Variants in KCNAB1 observed in about 807,000 individuals in gnomAD.
KCNAB1 encodes voltage-gated potassium channel subunit beta-1.
KCNAB1 carries 35 observed loss-of-function variants against 64.6 expected under a neutral mutation model. That is an observed-to-expected ratio of 0.54 (90% CI 0.41 to 0.72). KCNAB1 has a LOEUF of 0.72. Ranked by LOEUF, KCNAB1 falls within the 30% of genes least tolerant of loss-of-function variation. The pLI is 0.00. For missense variants in KCNAB1, 401 were observed against 512.9 expected, an observed-to-expected ratio of 0.78 and a Z score of 2.11; for synonymous variants, 177 against 183.8, an observed-to-expected ratio of 0.96 and a Z score of 0.30.
In KCNAB1 at chr3:156,385,442, G is replaced by GA. The variant is rs58847115; in HGVS notation, c.276-36162dup. On this transcript the variant is annotated intron_variant, in intron 1 of 13. Coordinates refer to ENST00000490337, the MANE Select transcript of KCNAB1 (RefSeq NM_172160.3). ...AAAAGGAGGATCTTGTTGGATGGAA[G>GA]AAAAAAAAAAAAGCATCCAAGTTAA... 1.2e-3 allele frequency among the ~76,000 whole-genome samples: 165 copies of GA among 134,812 alleles called. 1 individual carries two copies. Among genetic ancestry groups the GA allele is most frequent in the Middle Eastern group, 4.1e-3 (1 of 246 alleles). 88.4% of individuals were successfully genotyped at this position (134,812 alleles called of 152,430 possible). A position where few individuals can be genotyped will look rare whatever the true frequency, so the allele number is the denominator to read the frequency against.
At chr3:156,379,545 G>A (rs775278254) in intron 1 of KCNAB1, among the ~76,000 whole-genome samples, 1 of 152,158 alleles carries the variant, frequency 6.6e-6, no homozygotes, top group Non-Finnish European at 1.5e-5. Context: ...CAGGTACAGG[G>A]AACAGCCTGT....
intron 1 of KCNAB1, among the ~76,000 whole-genome samples, chr3:156,253,439 A>C (rs1717942515): frequency 6.6e-6 from 1 of 152,224 alleles, no homozygotes. Flanking sequence ...TGTTAGGAGC[A>C]GCAGGGCTGA....
intron 1 of KCNAB1, among the ~76,000 whole-genome samples, chr3:156,370,662 C>T (rs1164122487): frequency 6.6e-6 from 1 of 150,428 alleles, no homozygotes; most frequent in African/African-American, 2.5e-5. Context: ...CTGAGCTCCA[C>T]AATGGAGGAA....
At chr3:156,143,986 C>T (rs924034866) in intron 1 of KCNAB1, among the ~76,000 whole-genome samples, 1 of 151,840 alleles carries the variant, frequency 6.6e-6, no homozygotes. Context: ...GTACACTAAA[C>T]TTCCAATATC....
At chr3:156,262,514 A>G (rs912987051) in intron 1 of KCNAB1, among the ~76,000 whole-genome samples, 2 of 151,902 alleles carry the variant, frequency 1.3e-5, no homozygotes, top group African/African-American at 4.8e-5. Flanking sequence ...TGGGTGTAAA[A>G]CCAAACTACA....
chr3:156,357,040 GAAAC>G (rs920015431), intron 1 of KCNAB1, among the ~76,000 whole-genome samples: 1 of 152,022 alleles, frequency 6.6e-6, no homozygotes, highest in Admixed American at 6.6e-5. Context: ...TGAAGTGAAA[GAAAC>G]AAACAAACTC....
chr3:156,284,044 G>C (rs1406454998), intron 1 of KCNAB1, among the ~76,000 whole-genome samples: 1 of 152,118 alleles, frequency 6.6e-6, no homozygotes, highest in African/African-American at 2.4e-5. Flanking sequence ...GAGGTGCTCT[G>C]CTTTTTAGAG....
intron 1 of KCNAB1, among the ~76,000 whole-genome samples, chr3:156,162,081 A>G (rs778606452): frequency 2.0e-4 from 31 of 152,138 alleles, no homozygotes; most frequent in Non-Finnish European, 4.3e-4. Context: ...CTTTAGAATA[A>G]ACATTTAGAA....
intron 1 of KCNAB1, among the ~76,000 whole-genome samples, chr3:156,301,237 T>C (rs1187854970): frequency 6.6e-5 from 10 of 152,102 alleles, no homozygotes; most frequent in Admixed American, 6.5e-4. Context: ...GTCTTTGGCC[T>C]GAGACCACAA....
intron 1 of KCNAB1, among the ~76,000 whole-genome samples, chr3:156,187,009 A>G (rs1049711199): frequency 6.6e-6 from 1 of 151,708 alleles, no homozygotes; most frequent in Non-Finnish European, 1.5e-5. Flanking sequence ...GCACCACCAC[A>G]CCTGGCTAAT....
intron 1 of KCNAB1, among the ~76,000 whole-genome samples, chr3:156,318,782 A>G (rs1722465262): frequency 6.6e-6 from 1 of 152,200 alleles, no homozygotes; most frequent in East Asian, 1.9e-4. Context: ...AGGACCAAAC[A>G]AAACTAATCT....
intron 1 of KCNAB1, among the ~76,000 whole-genome samples, chr3:156,332,510 T>G (rs966122351): frequency 6.6e-6 from 1 of 152,182 alleles, no homozygotes; most frequent in African/African-American, 2.4e-5. Context: ...TGGGTTAGTT[T>G]CAACCAGTAT....
intron 1 of KCNAB1, among the ~76,000 whole-genome samples, chr3:156,254,348 C>G (rs1311362651): frequency 6.6e-6 from 1 of 152,206 alleles, no homozygotes; most frequent in African/African-American, 2.4e-5. Flanking sequence ...GGAATGGGGC[C>G]ATCCACTCTG....
At chr3:156,254,717 T>C (rs1196719038) in intron 1 of KCNAB1, among the ~76,000 whole-genome samples, 1 of 152,234 alleles carries the variant, frequency 6.6e-6, no homozygotes, top group African/African-American at 2.4e-5. Flanking sequence ...GAAGTGTTGG[T>C]TGCTGAGAGT....
chr3:156,530,412 A>G (rs572897078), intron 12 of KCNAB1, among the ~76,000 whole-genome samples: 2 of 152,286 alleles, frequency 1.3e-5, no homozygotes, highest in East Asian at 3.9e-4. Context: ...AAGGTCATCT[A>G]CTAAGAGTGA....
intron 1 of KCNAB1, among the ~76,000 whole-genome samples, chr3:156,417,732 A>AAAAG (rs536216164): frequency 6.6e-6 from 1 of 151,928 alleles, no homozygotes; most frequent in African/African-American, 2.4e-5. Flanking sequence ...AAAAAAAAAA[A>AAAAG]GCCTGGTGGC....
chr3:156,486,371 G>C (rs1715217830), intron 8 of KCNAB1, among the ~76,000 whole-genome samples: 1 of 152,278 alleles, frequency 6.6e-6, no homozygotes, highest in African/African-American at 2.4e-5. Flanking sequence ...AGTAAAGGGG[G>C]TCTAGTGAGA....
chr3:156,243,839 C>T (rs1013747063), intron 1 of KCNAB1, among the ~76,000 whole-genome samples: 14 of 152,176 alleles, frequency 9.2e-5, no homozygotes, highest in African/African-American at 3.4e-4. Flanking sequence ...AGGGAATGTG[C>T]CATCTAGATG....
At chr3:156,186,337 G>A (rs1004569897) in intron 1 of KCNAB1, among the ~76,000 whole-genome samples, 7 of 151,996 alleles carry the variant, frequency 4.6e-5, no homozygotes, top group Middle Eastern at 3.2e-3. Context: ...CCACAAAATT[G>A]TCCGTATTAG....
Sources: allele counts gnomAD v4.1 joint callset (sites outside exome capture counted in the v4.1 genomes callset), GRCh38; gene constraint gnomAD v4.1.1; transcripts MANE v1.5; gene names NCBI Gene and HGNC (gene_info 2026-07-23, HGNC 2026-07-21).